The following MFF variants were observed in gnomAD, a reference collection of about 807,000 sequenced individuals.
The protein encoded by MFF is mitochondrial fission factor.
A neutral mutation model predicts 36.9 loss-of-function variants in MFF; 12 were observed. The ratio of observed to expected loss-of-function variants is 0.33; its 90% confidence interval spans 0.21 to 0.53. The LOEUF (loss-of-function observed/expected upper bound fraction) is 0.53, where lower values mean the gene tolerates loss of function less well. Among genes scored for constraint, MFF ranks in the 20% least tolerant of loss-of-function variants. The pLI is 0.95. For synonymous variants in MFF, 99 were observed against 126.2 expected, an observed-to-expected ratio of 0.78 and a Z score of 1.44; for missense variants, 348 against 366.6, an observed-to-expected ratio of 0.95 and a Z score of 0.42.
At chr2:227,356,941 T>C in intron 8 of MFF, 45 bp from the exon 9 acceptor site, 1 of 1,487,966 alleles carries the variant, frequency 6.7e-7, no homozygotes, top group Non-Finnish European at 9.2e-7. Flanking sequence ...CCCTATTCAT[T>C]AAAGCCTCTA....
rs2076232472 is a variant in MFF at position 227,355,906 on chromosome 2, ATATAT to A, written c.744+148_744+152del. The A allele has an allele frequency of 5.3e-6, 3 of 562,812 alleles. No individual in the cohort carries two copies. The Admixed American group carries it at 9.1e-5, about 17-fold the overall frequency. The allele number at this position is 562,812 out of a possible 1,614,324, so 34.9% of individuals were successfully genotyped here. On this transcript the variant is annotated intron_variant, in intron 8 of 8. Transcript: ENST00000304593. ...ATTGATTTTCTCATTTTGATTAAAG[ATATAT>A]TAAACTACCATTTACATGTTTTGAT...
At chr2:227,347,971 C>G (rs2075798381) in intron 6 of MFF, among the ~76,000 whole-genome samples, 1 of 151,518 alleles carries the variant, frequency 6.6e-6, no homozygotes, top group Non-Finnish European at 1.5e-5. Flanking sequence ...CAGTAGTATA[C>G]TTAGACTTAT....
At chr2:227,340,925 C>T (rs981602867) in intron 5 of MFF, among the ~76,000 whole-genome samples, 23 of 152,026 alleles carry the variant, frequency 1.5e-4, no homozygotes, top group African/African-American at 5.6e-4. Flanking sequence ...AAATGTTCTT[C>T]GAAAACTGGT....
chr2:227,355,625 T>C, intron 7 of MFF, 52 bp from the exon 8 acceptor site: 1 of 1,064,224 alleles, frequency 9.4e-7, no homozygotes, highest in Non-Finnish European at 1.5e-6. Flanking sequence ...GCGTGCCATT[T>C]ACTCTGAGTT....
chr2:227,356,917 TA>T, intron 8 of MFF, 68 bp from the exon 9 acceptor site: 1 of 1,226,688 alleles, frequency 8.2e-7, no homozygotes. Context: ...ACTTACTTTA[TA>T]AGAATCTGAT....
At chr2:227,329,642 C>CA (rs1398037961) in intron 2 of MFF, 8 of 820,386 alleles carry the variant, frequency 9.8e-6, no homozygotes, top group Non-Finnish European at 1.7e-5. Context: ...TGTACACCTC[C>CA]AAAAAAAGTT....
chr2:227,325,595 G>A (rs904686459), intron 1 of MFF, 168 bp downstream of exon 1: 1 of 152,462 alleles, frequency 6.6e-6, no homozygotes, highest in East Asian at 1.9e-4. Context: ...CTTCAACCCT[G>A]GTCTTTCCTC....
At chr2:227,338,503 A>G (rs917186342) in intron 4 of MFF, among the ~76,000 whole-genome samples, 2 of 151,860 alleles carry the variant, frequency 1.3e-5, no homozygotes, top group South Asian at 2.1e-4. Flanking sequence ...TTCACACACT[A>G]TTTGTTTTTT....
intron 3 of MFF, among the ~76,000 whole-genome samples, chr2:227,332,116 C>T (rs1559950291): frequency 1.4e-5 from 2 of 147,768 alleles, no homozygotes; most frequent in South Asian, 2.1e-4. Flanking sequence ...GGACTACAGG[C>T]GCCCGCCACT....
At position 227,357,417 on chromosome 2, in the gene MFF, C is replaced by G. The variant is rs1344093800; in HGVS notation, c.*300C>G. 4.6e-6 allele frequency: 1 copy of G among 219,014 alleles called. No homozygotes were observed. The highest frequency in any genetic ancestry group is 9.2e-6 in the Non-Finnish European group (1 of 108,848). 13.6% of individuals were successfully genotyped at this position (219,014 alleles called of 1,614,324 possible). ...AAAAGGAATTTATTTTTTGCCTCAT[C>G]AGTCCACCCAACTGATTCTGAATGG... On this transcript the variant is annotated 3_prime_UTR_variant, in exon 9 of 9. Transcript: ENST00000304593.
At chr2:227,347,102 G>A in intron 5 of MFF, 124 bp from the exon 6 acceptor site, 1 of 708,394 alleles carries the variant, frequency 1.4e-6, no homozygotes, top group Admixed American at 2.6e-5. Context: ...TTCTTGTGGG[G>A]AGAGTGAAGG....
intron 5 of MFF, among the ~76,000 whole-genome samples, chr2:227,340,879 T>C (rs1024696100): frequency 2.0e-5 from 3 of 152,240 alleles, no homozygotes; most frequent in Admixed American, 2.0e-4. Flanking sequence ...AGTGCTTTTT[T>C]ACTTTTTTAT....
chr2:227,326,844 T>A (rs2074185145), intron 1 of MFF, among the ~76,000 whole-genome samples: 1 of 152,168 alleles, frequency 6.6e-6, no homozygotes, highest in African/African-American at 2.4e-5. Flanking sequence ...CATAAACATT[T>A]GCAACCACAG....
intron 4 of MFF, among the ~76,000 whole-genome samples, chr2:227,338,834 C>CA (rs1210762842): frequency 5.9e-4 from 65 of 110,546 alleles, no homozygotes; most frequent in East Asian, 2.2e-3. Flanking sequence ...GACTCTGTCT[C>CA]AAAAAAAAAC....
intron 3 of MFF, among the ~76,000 whole-genome samples, chr2:227,331,959 A>ATTTTTTTTTTTTTTTTTTTTTTTTTTTT (rs10549336): frequency 1.3e-5 from 1 of 76,842 alleles, no homozygotes; most frequent in African/African-American, 4.6e-5. Context: ...CGCTGGAAGC[A>ATTTTTTTTTTTTTTTTTTTTTTTTTTTT]TTTTTTTTTT....
chr2:227,351,727 A>G (rs1183255594), intron 6 of MFF: 3 of 152,236 alleles, frequency 2.0e-5, no homozygotes, highest in African/African-American at 4.8e-5. Flanking sequence ...TTATCAAAGT[A>G]GAAAGCTAAC....
intron 1 of MFF, among the ~76,000 whole-genome samples, chr2:227,327,507 A>AGT (rs10679131): frequency 6.6e-6 from 1 of 152,114 alleles, no homozygotes; most frequent in Non-Finnish European, 1.5e-5. Context: ...CTTAGTAGAA[A>AGT]TCCAGTTACT....
intron 7 of MFF, chr2:227,355,155 CTG>C (rs1369159194): frequency 6.6e-6 from 1 of 152,510 alleles, no homozygotes; most frequent in Non-Finnish European, 1.5e-5. Flanking sequence ...AAGTGAAACT[CTG>C]TCTCAAAAAA....
At chr2:227,346,381 C>T (rs2075714673) in intron 5 of MFF, 1 of 166,452 alleles carries the variant, frequency 6.0e-6, no homozygotes, top group South Asian at 2.1e-4. Context: ...CCTGAAAATA[C>T]TGACACAGAT....
Sources: allele counts gnomAD v4.1 joint callset (sites outside exome capture counted in the v4.1 genomes callset), GRCh38; gene constraint gnomAD v4.1.1; transcripts MANE v1.5; gene names NCBI Gene and HGNC (gene_info 2026-07-23, HGNC 2026-07-21).